Variants in PRKN observed in about 807,000 individuals in gnomAD.
The protein encoded by PRKN is parkin RBR E3 ubiquitin protein ligase, also known as E3 ubiquitin-protein ligase parkin.
PRKN carries 56 observed loss-of-function variants against 59.5 expected under a neutral mutation model. The observed-to-expected ratio is 0.94, with a 90% CI of 0.76 to 1.18. The LOEUF (loss-of-function observed/expected upper bound fraction) is 1.18. PRKN is among the 50% of genes most tolerant of loss of function. The probability of loss-of-function intolerance (pLI) is 0.00; values close to 1 mark genes in which losing one functional copy is unlikely to be tolerated. For synonymous variants in PRKN, 250 were observed against 222.1 expected (o/e 1.13, Z -1.12); for missense variants, 657 against 596.4 (o/e 1.10, Z -1.06).
At chr6:161,914,063 G>A (rs932109381) in intron 6 of PRKN, among the ~76,000 whole-genome samples, 4 of 152,118 alleles carry the variant, frequency 2.6e-5, no homozygotes, top group Admixed American at 2.0e-4. Context: ...TTTTGTTAAG[G>A]CAGCCAAAGC....
chr6:162,189,023 A>G (rs780057600), intron 4 of PRKN, among the ~76,000 whole-genome samples: 2 of 151,956 alleles, frequency 1.3e-5, no homozygotes, highest in African/African-American at 2.4e-5. Flanking sequence ...ATTATCTTCT[A>G]TAGGAGGGAA....
At chr6:161,859,090 G>A (rs1299309129) in intron 6 of PRKN, among the ~76,000 whole-genome samples, 4 of 150,920 alleles carry the variant, frequency 2.7e-5, no homozygotes, top group South Asian at 4.2e-4. Flanking sequence ...GGCTGGTCTC[G>A]AACTCCTGAC....
At chr6:162,400,453 A>C (rs1314400377) in intron 2 of PRKN, among the ~76,000 whole-genome samples, 33 of 121,500 alleles carry the variant, frequency 2.7e-4, no homozygotes, top group Middle Eastern at 3.8e-3. Context: ...CAACATGTAA[A>C]TATCAAAAAA....
intron 6 of PRKN, among the ~76,000 whole-genome samples, chr6:161,865,897 C>T (rs1024784166): frequency 2.6e-5 from 4 of 152,304 alleles, no homozygotes; most frequent in Admixed American, 2.0e-4. Flanking sequence ...CTTATTGGAG[C>T]AAGAGGCCTA....
chr6:162,338,424 G>T (rs560416806), intron 2 of PRKN, among the ~76,000 whole-genome samples: 1 of 152,226 alleles, frequency 6.6e-6, no homozygotes, highest in African/African-American at 2.4e-5. Flanking sequence ...CGCCATGCCT[G>T]ACTGGTTTTG....
At chr6:162,430,297 G>T (rs1789455111) in intron 2 of PRKN, among the ~76,000 whole-genome samples, 1 of 152,158 alleles carries the variant, frequency 6.6e-6, no homozygotes, top group Non-Finnish European at 1.5e-5. Flanking sequence ...GCAACCCCAT[G>T]AGGTAGATAA....
intron 2 of PRKN, among the ~76,000 whole-genome samples, chr6:162,439,660 A>T (rs1342498777): frequency 1.4e-5 from 2 of 147,838 alleles, no homozygotes; most frequent in Non-Finnish European, 3.0e-5. Flanking sequence ...GCCACCCCTG[A>T]GACAGTGAGA....
At chr6:162,441,166 T>C (rs1026575601) in intron 2 of PRKN, among the ~76,000 whole-genome samples, 1 of 152,110 alleles carries the variant, frequency 6.6e-6, no homozygotes, top group Non-Finnish European at 1.5e-5. Flanking sequence ...TCCCATCATG[T>C]TGGAACAATG....
chr6:162,571,465 T>C (rs536346814), intron 1 of PRKN, among the ~76,000 whole-genome samples: 39 of 151,734 alleles, frequency 2.6e-4, no homozygotes, highest in African/African-American at 8.9e-4. Flanking sequence ...TCAGAGGCAA[T>C]AGTTAGGCAA....
intron 7 of PRKN, among the ~76,000 whole-genome samples, chr6:161,636,875 G>A (rs564978591): frequency 2.3e-4 from 35 of 152,236 alleles, no homozygotes; most frequent in Non-Finnish European, 3.7e-4. Flanking sequence ...CCGGCCGCAC[G>A]TCAACAGCTG....
intron 6 of PRKN, among the ~76,000 whole-genome samples, chr6:161,904,282 G>GCGT (rs1483454686): frequency 8.0e-5 from 12 of 149,576 alleles, no homozygotes; most frequent in African/African-American, 2.9e-4. Flanking sequence ...GGGGCAAGGT[G>GCGT]TGTTGGCTTG....
At chr6:161,837,575 TAA>T (rs550173775) in intron 6 of PRKN, among the ~76,000 whole-genome samples, 3 of 137,068 alleles carry the variant, frequency 2.2e-5, no homozygotes, top group African/African-American at 2.7e-5. Flanking sequence ...TTTTTTCCTT[TAA>T]AAAAAAAAAA....
At position 162,727,734 on chromosome 6, in the gene PRKN, C is replaced by T. The variant is rs1461817197; in HGVS notation, c.-66G>A. 2.6e-6 allele frequency: 4 copies of T among 1,511,766 alleles called. No individual in the cohort carries two copies. The East Asian group carries it at 7.4e-5, about 28-fold the overall frequency. 93.6% of individuals were successfully genotyped at this position (1,511,766 alleles called of 1,614,324 possible). A position where few individuals can be genotyped will look rare whatever the true frequency, so the allele number is the denominator to read the frequency against. ...CATGCGCGCAGCGGCGCCAGCCGCG[C>T]CTCCCACCAGCGGCTCTCCTGGGTT... is the stretch of plus-strand genomic sequence containing the variant. On this transcript the variant is annotated 5_prime_UTR_variant, in exon 1 of 12. Transcript: ENST00000366898.
intron 2 of PRKN, among the ~76,000 whole-genome samples, chr6:162,356,491 C>T (rs1484242372): frequency 6.6e-6 from 1 of 151,918 alleles, no homozygotes; most frequent in African/African-American, 2.4e-5. Context: ...CCCAGACTAC[C>T]ATAGTAGACT....
chr6:161,640,408 G>A (rs965141098), intron 7 of PRKN, among the ~76,000 whole-genome samples: 5 of 152,106 alleles, frequency 3.3e-5, no homozygotes, highest in African/African-American at 4.8e-5. Context: ...GGTAGTCTTG[G>A]AGCACATATG....
chr6:161,386,996 A>T lies in PRKN; in HGVS notation c.1084-119T>A. On this transcript the variant is annotated intron_variant, in intron 9 of 11. Coordinates refer to ENST00000366898, the MANE Select transcript of PRKN (RefSeq NM_004562.3). The surrounding 1 kb of genome is among the most constrained non-coding windows in gnomAD (Gnocchi z 4.3). ...CTGGCTTGTGCAACAGTTTCTGTAT[A>T]AAAATACTTTTTTTGCAAAGAGAAA... 1.2e-6 allele frequency: 1 copy of T among 825,172 alleles called. No homozygotes were observed. Among genetic ancestry groups the T allele is most frequent in the East Asian group, 2.5e-5 (1 of 40,038 alleles). The allele number at this position is 825,172 out of a possible 1,614,324, so 51.1% of individuals were successfully genotyped here. A position where few individuals can be genotyped will look rare whatever the true frequency, so the allele number is the denominator to read the frequency against.
intron 1 of PRKN, among the ~76,000 whole-genome samples, chr6:162,638,947 T>C (rs1191216208): frequency 1.3e-5 from 2 of 152,036 alleles, no homozygotes; most frequent in Admixed American, 6.6e-5. Context: ...GGTTTCACTA[T>C]GTTAGCCAGG....
At chr6:162,085,024 TAC>T (rs1185374897) in intron 4 of PRKN, among the ~76,000 whole-genome samples, 3 of 148,522 alleles carry the variant, frequency 2.0e-5, no homozygotes, top group Non-Finnish European at 3.0e-5. Flanking sequence ...GCTATATTGA[TAC>T]AGACTAGTTG....
intron 7 of PRKN, among the ~76,000 whole-genome samples, chr6:161,739,713 T>C (rs1788110010): frequency 6.6e-6 from 1 of 152,182 alleles, no homozygotes; most frequent in Non-Finnish European, 1.5e-5. Flanking sequence ...TGTACCTCTG[T>C]CTTTTTTTAA....
Sources: allele counts gnomAD v4.1 joint callset (sites outside exome capture counted in the v4.1 genomes callset), GRCh38; gene constraint gnomAD v4.1.1; non-coding constraint Gnocchi (gnomAD v3.1); transcripts MANE v1.5; gene names NCBI Gene and HGNC (gene_info 2026-07-23, HGNC 2026-07-21).